The following STON1 variants were observed in gnomAD, a reference collection of about 807,000 sequenced individuals.
STON1 encodes stonin-1.
STON1 carries 79 observed loss-of-function variants against 60.9 expected under a neutral mutation model. The observed-to-expected ratio is 1.30, with a 90% confidence interval of 1.08 to 1.56. The LOEUF (loss-of-function observed/expected upper bound fraction) is 1.56. Ranked by LOEUF, STON1 falls within the 40% of genes most tolerant of loss-of-function variation. The pLI is 0.00. For missense variants in STON1, 1,166 were observed against 858.9 expected, an observed-to-expected ratio of 1.36 and a Z score of -4.47; for synonymous variants, 363 against 306.9, an observed-to-expected ratio of 1.18 and a Z score of -1.91.
At position 48,538,982 on chromosome 2, in the gene STON1, A is replaced by G. The variant is rs7600274; in HGVS notation, c.-48+8766A>G. Among the ~76,000 whole-genome samples, 543 of 151,920 alleles carry G rather than the reference A, an allele frequency of 3.6e-3. 3 individuals are homozygous for G. The highest frequency in any genetic ancestry group is 0.012 in the African/African-American group (499 of 41,406). ...CCCACTGCTGGAGTGCAGCGGCACC[A>G]TCATAGCTCACTGCAGCCTCAAACT... On this transcript the variant is annotated intron_variant, in intron 1 of 3. Coordinates refer to ENST00000404752, the MANE Select transcript of STON1 (RefSeq NM_006873.4).
chr2:48,594,512 G>A (rs560714556), intron 3 of STON1, among the ~76,000 whole-genome samples: 20 of 152,256 alleles, frequency 1.3e-4, no homozygotes, highest in Admixed American at 1.2e-3. Flanking sequence ...CAAAGTCCCT[G>A]TCCTCATGGA....
intron 3 of STON1, among the ~76,000 whole-genome samples, chr2:48,593,499 A>G (rs1359514589): frequency 2.0e-5 from 3 of 152,214 alleles, no homozygotes; most frequent in Non-Finnish European, 2.9e-5. Context: ...TTTAGAATGT[A>G]TGTTTCCCTT....
At chr2:48,533,313 C>T (rs1036910745) in intron 1 of STON1, among the ~76,000 whole-genome samples, 5 of 151,544 alleles carry the variant, frequency 3.3e-5, no homozygotes, top group Admixed American at 6.6e-5. Context: ...ACCTGGGAGG[C>T]GGAGGTTGCA....
intron 2 of STON1, among the ~76,000 whole-genome samples, chr2:48,586,468 T>G (rs1362670678): frequency 6.6e-6 from 1 of 152,176 alleles, no homozygotes; most frequent in African/African-American, 2.4e-5. Flanking sequence ...ACATATGCAC[T>G]TAGGGATCCC....
intron 1 of STON1, among the ~76,000 whole-genome samples, chr2:48,553,739 C>T (rs1023482180): frequency 3.3e-5 from 5 of 152,172 alleles, no homozygotes; most frequent in African/African-American, 9.7e-5. Flanking sequence ...GCACCTGCCT[C>T]GGCCTTCCAA....
chr2:48,576,320 G>A (rs1485604456), intron 1 of STON1, among the ~76,000 whole-genome samples: 1 of 150,634 alleles, frequency 6.6e-6, no homozygotes, highest in Non-Finnish European at 1.5e-5. Flanking sequence ...CTCCTGAGTG[G>A]CTGGGATTTC....
intron 1 of STON1, among the ~76,000 whole-genome samples, chr2:48,579,177 G>T (rs966001552): frequency 5.3e-5 from 8 of 151,620 alleles, no homozygotes; most frequent in Admixed American, 3.3e-4. Flanking sequence ...CTAATTTTTT[G>T]TATTTTTAGT....
Position 48,557,974 on chromosome 2 carries a change from G to T in STON1, c.-47-22613G>T, listed in dbSNP as rs1044547928. Among the ~76,000 whole-genome samples, 9 of 152,336 alleles carry T rather than the reference G, an allele frequency of 5.9e-5. No individual in the cohort carries two copies. The East Asian group carries it at 1.7e-3, about 29-fold the overall frequency. On this transcript the variant is annotated intron_variant, in intron 1 of 3. Transcript: ENST00000404752. The stretch of plus-strand genomic sequence containing the variant: ...GCGGTGGCTCATGCCTGTAATCCCA[G>T]CACTTTGGGAGGCTGAGGTGGGTGG...
intron 1 of STON1, among the ~76,000 whole-genome samples, chr2:48,578,320 C>A (rs1020892497): frequency 6.6e-6 from 1 of 152,200 alleles, no homozygotes; most frequent in Non-Finnish European, 1.5e-5. Flanking sequence ...TGATATAAGA[C>A]AAGCTTGTCC....
At chr2:48,588,644 G>A (rs373387948) in intron 2 of STON1, among the ~76,000 whole-genome samples, 16 of 152,232 alleles carry the variant, frequency 1.1e-4, no homozygotes, top group East Asian at 9.7e-4. Flanking sequence ...GCTACCTACC[G>A]CACCTGGCAA....
intron 1 of STON1, among the ~76,000 whole-genome samples, chr2:48,546,073 T>A: frequency 6.6e-6 from 1 of 152,240 alleles, no homozygotes; most frequent in Non-Finnish European, 1.5e-5. Context: ...TCAACCCTCA[T>A]GTCTTACCTG....
chr2:48,533,209 C>T (rs912839535), intron 1 of STON1, among the ~76,000 whole-genome samples: 1 of 151,974 alleles, frequency 6.6e-6, no homozygotes, highest in Non-Finnish European at 1.5e-5. Context: ...TAGTGAAACC[C>T]CGTCTCTACT....
intron 2 of STON1, among the ~76,000 whole-genome samples, chr2:48,584,287 A>G (rs1456200467): frequency 6.6e-6 from 1 of 151,488 alleles, no homozygotes; most frequent in Non-Finnish European, 1.5e-5. Context: ...TATTATTATT[A>G]TTTTGAGATG....
At chr2:48,564,563 T>TCTTCTTCTTCTG (rs1558605607) in intron 1 of STON1, among the ~76,000 whole-genome samples, 2 of 28,368 alleles carry the variant, frequency 7.1e-5, no homozygotes, top group East Asian at 2.6e-3. Flanking sequence ...TTCTTCTTCT[T>TCTTCTTCTTCTG]CTTCTCCTTC....
At chr2:48,570,060 CA>C (rs1673122561) in intron 1 of STON1, among the ~76,000 whole-genome samples, 1 of 152,180 alleles carries the variant, frequency 6.6e-6, no homozygotes, top group Non-Finnish European at 1.5e-5. Context: ...CCAGGCTGGG[CA>C]TGGTGGCTCA....
intron 2 of STON1, among the ~76,000 whole-genome samples, chr2:48,585,590 C>G (rs1180861371): frequency 6.6e-6 from 1 of 152,152 alleles, no homozygotes; most frequent in Non-Finnish European, 1.5e-5. Context: ...CAAATTGAAC[C>G]ATTTGCATCA....
chr2:48,552,209 C>T (rs149605618), intron 1 of STON1, among the ~76,000 whole-genome samples: 12 of 152,268 alleles, frequency 7.9e-5, no homozygotes, highest in Middle Eastern at 6.8e-3. Context: ...TATGGATGGG[C>T]CTTGAAGACA....
At position 48,591,779 on chromosome 2, in the gene STON1, A is replaced by T. The variant is rs376653994; in HGVS notation, c.2057A>T (p.Glu686Val). 1.9e-6 allele frequency: 3 copies of T among 1,614,072 alleles called. No individual in the cohort carries two copies. In the African/African-American group the frequency reaches 4.0e-5, roughly 22 times the overall value. Reference sequence around the variant, plus strand: ...CCTGACACCTGTGCCTCAAGGACAGAGGTCAGGTCTCTGGGAGTGGAGAGT... The same window carrying T: ...CCTGACACCTGTGCCTCAAGGACAGTGGTCAGGTCTCTGGGAGTGGAGAGT... ...SVPDTCASRTEVRSLGVESDV... is the reference protein window; with the variant it reads ...SVPDTCASRTVVRSLGVESDV... Residue 686 changes from glutamate (E) to valine (V), a missense_variant, in exon 3 of 4, where the codon GAG becomes GTG. Glu to Val is a moderately radical substitution (Grantham distance 121). Coordinates refer to ENST00000404752, the MANE Select transcript of STON1 (RefSeq NM_006873.4).
At chr2:48,549,730 T>A (rs1407821203) in intron 1 of STON1, among the ~76,000 whole-genome samples, 2 of 148,324 alleles carry the variant, frequency 1.3e-5, no homozygotes, top group Non-Finnish European at 3.0e-5. Flanking sequence ...GAGAATGGCT[T>A]GAACTCAGGG....
Sources: allele counts gnomAD v4.1 joint callset (sites outside exome capture counted in the v4.1 genomes callset), GRCh38; gene constraint gnomAD v4.1.1; transcripts MANE v1.5; gene names NCBI Gene and HGNC (gene_info 2026-07-23, HGNC 2026-07-21).